The following NUFIP2 variants were observed in gnomAD, a reference collection of about 807,000 sequenced individuals.
NUFIP2 encodes nuclear FMR1 interacting protein 2.
NUFIP2 carries 6 observed loss-of-function variants against 56.9 expected under a neutral mutation model. That is an observed-to-expected ratio of 0.11 (90% CI 0.06 to 0.21). The LOEUF is 0.21. Among genes scored for constraint, NUFIP2 ranks in the 10% least tolerant of loss-of-function variants. The pLI, the probability that NUFIP2 is intolerant of heterozygous loss-of-function variation, is 1.00. For missense variants in NUFIP2, 828 were observed against 826.8 expected, an observed-to-expected ratio of 1.00 and a Z score of -0.02; for synonymous variants, 321 against 298.2, an observed-to-expected ratio of 1.08 and a Z score of -0.79.
intron 3 of NUFIP2, among the ~76,000 whole-genome samples, chr17:29,265,523 C>T (rs905759620): frequency 2.8e-4 from 41 of 147,400 alleles, no homozygotes; most frequent in African/African-American, 9.5e-4. Context: ...AGGATGGTCT[C>T]GATCTCCTGA....
At chr17:29,273,371 C>T (rs577688364) in intron 2 of NUFIP2, among the ~76,000 whole-genome samples, 66 of 152,216 alleles carry the variant, frequency 4.3e-4, no homozygotes, top group African/African-American at 1.5e-3. Flanking sequence ...CAGGTTCCGC[C>T]ATGTTGGCCA....
chr17:29,280,597 G>T (rs1214814456), intron 2 of NUFIP2, among the ~76,000 whole-genome samples: 3 of 151,796 alleles, frequency 2.0e-5, no homozygotes, highest in Admixed American at 2.0e-4. Flanking sequence ...GAGGCGGGAG[G>T]ATTCCTTAAG....
chr17:29,279,433 G>C (rs901123512), intron 2 of NUFIP2, among the ~76,000 whole-genome samples: 1 of 152,114 alleles, frequency 6.6e-6, no homozygotes, highest in Non-Finnish European at 1.5e-5. Flanking sequence ...ACTATTCCAA[G>C]AAACTGATCT....
chr17:29,270,395 T>C (rs949019881), intron 2 of NUFIP2, among the ~76,000 whole-genome samples: 1 of 151,828 alleles, frequency 6.6e-6, no homozygotes, highest in African/African-American at 2.4e-5. Context: ...TCCAATATAA[T>C]TTCTTATTCC....
intron 2 of NUFIP2, among the ~76,000 whole-genome samples, chr17:29,272,980 G>C (rs1363082100): frequency 2.0e-5 from 3 of 151,312 alleles, no homozygotes; most frequent in Non-Finnish European, 2.9e-5. Context: ...CTCCCAAATA[G>C]CTGGGATTAC....
Position 29,293,722 on chromosome 17 carries a change from C to G in NUFIP2, c.277+61G>C. 3.1e-6 allele frequency: 4 copies of G among 1,287,912 alleles called. 1 individual carries two copies. Among genetic ancestry groups the G allele is most frequent in the Non-Finnish European group, 4.2e-6 (4 of 942,684 alleles). 79.8% of individuals were successfully genotyped at this position (1,287,912 alleles called of 1,614,324 possible). On this transcript the variant is annotated intron_variant, in intron 1 of 3. Coordinates refer to ENST00000225388, the MANE Select transcript of NUFIP2 (RefSeq NM_020772.3). ...TCCGCGCTTTTCGGATCCAGCCCCA[C>G]CCCCATCTCTCCTGTCCTCCACCCC...
At chr17:29,283,500 C>A (rs1185293793) in intron 2 of NUFIP2, among the ~76,000 whole-genome samples, 1 of 152,080 alleles carries the variant, frequency 6.6e-6, no homozygotes, top group African/African-American at 2.4e-5. Context: ...CCAGGCTGGT[C>A]TCAAATTCCT....
At chr17:29,292,755 G>A (rs2069224186) in intron 1 of NUFIP2, among the ~76,000 whole-genome samples, 1 of 149,962 alleles carries the variant, frequency 6.7e-6, no homozygotes, top group Non-Finnish European at 1.5e-5. Context: ...CTGGCGCGCG[G>A]GGCCCTGCGC....
intron 2 of NUFIP2, among the ~76,000 whole-genome samples, chr17:29,272,840 C>CT (rs869121432): frequency 4.3e-4 from 55 of 129,006 alleles, no homozygotes; most frequent in South Asian, 6.2e-4. Flanking sequence ...GTAACTGATT[C>CT]TTTTTTTTTT....
At chr17:29,267,808 A>G (rs976453969) in intron 2 of NUFIP2, among the ~76,000 whole-genome samples, 2 of 152,044 alleles carry the variant, frequency 1.3e-5, no homozygotes, top group African/African-American at 2.4e-5. Flanking sequence ...GCATGCCATC[A>G]CACCCAGCTA....
At position 29,287,312 on chromosome 17, in the gene NUFIP2, G is replaced by T. The variant is rs750934438; in HGVS notation, c.682C>A (p.Arg228Ser). 3 of 1,614,012 alleles carry T rather than the reference G, an allele frequency of 1.9e-6. No individual in the cohort carries two copies. Among genetic ancestry groups the T allele is most frequent in the South Asian group, 1.1e-5 (1 of 91,072 alleles). The change falls in exon 2 of 4, where the codon CGC becomes AGC. Residue 228 changes from arginine to serine, a missense_variant. Arg to Ser is a moderately radical substitution (Grantham distance 110, BLOSUM62 -1). Coordinates refer to ENST00000225388, the MANE Select transcript of NUFIP2 (RefSeq NM_020772.3). ...TTTTCACAACCCTTGGCACTATTGC[G>T]CCTAGCTTTCCTTTTTTTAGGAGTT... ...YTTPKKRKARRNSAKGCENLN... is the reference protein window; with the variant it reads ...YTTPKKRKARSNSAKGCENLN...
At position 29,286,687 on chromosome 17, in the gene NUFIP2, A is replaced by G. The variant is rs1201882349; in HGVS notation, c.1307T>C (p.Leu436Pro). 5 of 1,614,218 alleles carry G rather than the reference A, an allele frequency of 3.1e-6. No individual in the cohort carries two copies. The South Asian group carries it at 5.5e-5, about 18-fold the overall frequency. Residue 436 changes from leucine (L) to proline (P), a missense_variant, in exon 2 of 4, where the codon CTA (leucine) becomes CCA (proline). Transcript: ENST00000225388. ...NVYPPGGQPL[L>P]TTAANTLTPI... ...TGTTAGAGTATTAGCAGCAGTAGTT[A>G]GCAGTGGCTGACCCCCTGGAGGATA...
intron 2 of NUFIP2, among the ~76,000 whole-genome samples, chr17:29,269,545 A>G (rs1168010899): frequency 6.6e-6 from 1 of 151,054 alleles, no homozygotes; most frequent in African/African-American, 2.4e-5. Context: ...GTCTTGCTCT[A>G]TAGCACAGGC....
intron 2 of NUFIP2, among the ~76,000 whole-genome samples, chr17:29,282,838 T>A (rs1004932861): frequency 9.9e-5 from 15 of 151,694 alleles, no homozygotes; most frequent in African/African-American, 3.6e-4. Context: ...GTAGCCCAAC[T>A]GATTATTACT....
intron 2 of NUFIP2, among the ~76,000 whole-genome samples, chr17:29,271,030 T>G (rs2069068962): frequency 6.6e-6 from 1 of 152,130 alleles, no homozygotes; most frequent in Admixed American, 6.6e-5. Context: ...AAACAACTAT[T>G]TGCAAACACC....
In NUFIP2 at chr17:29,294,077, C is replaced by T. The variant is rs372460236; in HGVS notation, c.-18G>A. 266 of 1,579,962 alleles carry T rather than the reference C, an allele frequency of 1.7e-4. No individual in the cohort carries two copies. Among genetic ancestry groups the T allele is most frequent in the Non-Finnish European group, 2.0e-4 (236 of 1,160,520 alleles). On this transcript the variant is annotated 5_prime_UTR_variant, in exon 1 of 4. Coordinates refer to ENST00000225388, the MANE Select transcript of NUFIP2 (RefSeq NM_020772.3). ...TCCTCCATTGAAAGCGGCTGGGACT[C>T]CCTGGCTGAGGCTGCGGGCTGCTGC...
intron 1 of NUFIP2, among the ~76,000 whole-genome samples, chr17:29,288,426 A>G (rs2069191412): frequency 6.6e-6 from 1 of 152,252 alleles, no homozygotes; most frequent in Non-Finnish European, 1.5e-5. Flanking sequence ...TTACAAGGAA[A>G]TTAAAGACTT....
At chr17:29,274,980 T>C (rs1318090867) in intron 2 of NUFIP2, among the ~76,000 whole-genome samples, 4 of 152,118 alleles carry the variant, frequency 2.6e-5, no homozygotes, top group African/African-American at 9.6e-5. Context: ...TTAATATACA[T>C]AGAATTGCAG....
intron 2 of NUFIP2, among the ~76,000 whole-genome samples, chr17:29,284,889 A>T (rs1482957805): frequency 6.6e-6 from 1 of 152,130 alleles, no homozygotes; most frequent in Non-Finnish European, 1.5e-5. Flanking sequence ...TTCCAGTTAC[A>T]AACTGGCATC....
Sources: allele counts gnomAD v4.1 joint callset (sites outside exome capture counted in the v4.1 genomes callset), GRCh38; gene constraint gnomAD v4.1.1; transcripts MANE v1.5; gene names NCBI Gene and HGNC (gene_info 2026-07-23, HGNC 2026-07-21).